USH2A: variants seen among roughly 807,000 people sequenced by gnomAD.
USH2A encodes Usher syndrome 2A (autosomal recessive, mild).
In USH2A, 443 loss-of-function variants were observed where a neutral mutation model predicts 538.9. That is an observed-to-expected ratio of 0.82 (90% CI 0.76 to 0.89). USH2A has a LOEUF of 0.89. USH2A is among the 40% of genes least tolerant of loss of function. The pLI, the probability that USH2A is intolerant of heterozygous loss-of-function variation, is 0.00. For synonymous variants in USH2A, 2,413 were observed against 2,273.5 expected (o/e 1.06, Z -1.75); for missense variants, 6,633 against 6,324.8 (o/e 1.05, Z -1.65).
At chr1:215,703,520 G>T (rs1319769726) in intron 61 of USH2A, among the ~76,000 whole-genome samples, 1 of 152,210 alleles carries the variant, frequency 6.6e-6, no homozygotes, top group Admixed American at 6.5e-5. Flanking sequence ...CTAGAGAGGA[G>T]AAATCTAGAG....
chr1:215,656,538 T>C (rs933108938), intron 64 of USH2A, among the ~76,000 whole-genome samples: 1 of 152,226 alleles, frequency 6.6e-6, no homozygotes, highest in African/African-American at 2.4e-5. Context: ...ATTAATCTTT[T>C]ACAAAAGATC....
chr1:216,051,048 T>A (rs1380184791), intron 30 of USH2A, among the ~76,000 whole-genome samples: 1 of 152,220 alleles, frequency 6.6e-6, no homozygotes, highest in Non-Finnish European at 1.5e-5. Context: ...CGAGAACTCC[T>A]TTGTTTCCTT....
At chr1:216,139,787 T>C (rs1309712144) in intron 21 of USH2A, among the ~76,000 whole-genome samples, 1 of 152,202 alleles carries the variant, frequency 6.6e-6, no homozygotes, top group African/African-American at 2.4e-5. Context: ...TCTGCAGTCA[T>C]TCCCTATCTC....
chr1:215,900,492 A>G (rs1665464845), intron 39 of USH2A, among the ~76,000 whole-genome samples: 1 of 152,234 alleles, frequency 6.6e-6, no homozygotes. Flanking sequence ...CAGTTCAGAC[A>G]TCATTTTGTT....
intron 37 of USH2A, among the ~76,000 whole-genome samples, chr1:215,959,211 CATAAT>C (rs1311293242): frequency 1.3e-5 from 2 of 151,894 alleles, no homozygotes; most frequent in Non-Finnish European, 2.9e-5. Flanking sequence ...ACAAACCATT[CATAAT>C]ATAACCACCT....
Position 216,394,720 on chromosome 1 carries a change from C to CTTTTTTTTTTTTTTTTT in USH2A, c.651+23793_651+23794insAAAAAAAAAAAAAAAAA, listed in dbSNP as rs780581599. 4.1e-4 allele frequency among the ~76,000 whole-genome samples: 49 copies of CTTTTTTTTTTTTTTTTT among 120,328 alleles called. 12 individuals are homozygous for CTTTTTTTTTTTTTTTTT. In the South Asian group the frequency reaches 6.1e-3, roughly 15 times the overall value. 78.9% of individuals were successfully genotyped at this position (120,328 alleles called of 152,430 possible). On this transcript the variant is annotated intron_variant, in intron 3 of 71. Transcript: ENST00000307340. ...CTTAAGGCCTAATAACTGGTCCAGT[C>CTTTTTTTTTTTTTTTTT]TTTTTTTTTTTTTTTTGAGACAGAG...
intron 55 of USH2A, among the ~76,000 whole-genome samples, chr1:215,775,000 C>G (rs925845209): frequency 2.0e-5 from 3 of 151,098 alleles, no homozygotes; most frequent in African/African-American, 7.3e-5. Context: ...TCTATTTTCA[C>G]AGGTCCCCAG....
rs1174783120 is a variant in USH2A, at chr1:215,846,021, A to G, written c.8858T>C (p.Leu2953Pro). 6 of 1,612,214 alleles carry G rather than the reference A, an allele frequency of 3.7e-6. No individual in the cohort carries two copies. The South Asian group carries it at 5.5e-5, about 15-fold the overall frequency. ...TGTGTAATATTCAACTTCACCTTGT[A>G]GGTCTTGAACAGCTGTCAACAATAA... ...VRWAKPTVQDLQGEVEYYTLF... is the reference protein window; with the variant it reads ...VRWAKPTVQDPQGEVEYYTLF... The change falls in exon 45 of 72, where the codon CTA becomes CCA. Residue 2953 changes from leucine (L) to proline (P), a missense_variant. By Grantham distance (98) the Leu-to-Pro change is moderately conservative (BLOSUM62 -3). Coordinates refer to ENST00000307340, the MANE Select transcript of USH2A (RefSeq NM_206933.4).
At chr1:215,778,304 G>A (rs898819153) in intron 55 of USH2A, among the ~76,000 whole-genome samples, 2 of 152,076 alleles carry the variant, frequency 1.3e-5, no homozygotes, top group African/African-American at 2.4e-5. Context: ...CGGCTGCCTC[G>A]GCGTCCCAAA....
At chr1:215,838,208 T>C (rs1663584308) in intron 46 of USH2A, 105 bp from the exon 47 acceptor site, 15 of 907,002 alleles carry the variant, frequency 1.7e-5, no homozygotes, top group Non-Finnish European at 2.2e-5. Context: ...CTCTTGTATT[T>C]CTCTATAGCC....
At position 216,199,992 on chromosome 1, in the gene USH2A, T is replaced by A. The variant is rs1318186049; in HGVS notation, c.3446A>T (p.Glu1149Val). The change falls in exon 17 of 72, where the codon GAG becomes GTG. Residue 1149 changes from glutamate to valine, a missense_variant. By Grantham distance (121) the Glu-to-Val change is moderately radical. Transcript: ENST00000307340. Reference protein sequence around the residue: ...VTYKTKPGVPEGNLTLSYIIP... With the variant: ...VTYKTKPGVPVGNLTLSYIIP... ...GATATAACTTAAAGTCAAGTTTCCCTCTGGGACCCCTGGTTTTGTCTTGTA... is the reference window on the plus strand; with the variant it reads ...GATATAACTTAAAGTCAAGTTTCCCACTGGGACCCCTGGTTTTGTCTTGTA... 11 of 1,614,020 alleles carry A rather than the reference T, an allele frequency of 6.8e-6. No individual in the cohort carries two copies. Among genetic ancestry groups the A allele is most frequent in the African/African-American group, 1.3e-5 (1 of 74,918 alleles).
At chr1:216,040,969 G>T (rs2030249758) in intron 32 of USH2A, among the ~76,000 whole-genome samples, 2 of 151,776 alleles carry the variant, frequency 1.3e-5, no homozygotes, top group East Asian at 3.9e-4. Context: ...TTTTGCAGAA[G>T]GAAAATGCAT....
intron 3 of USH2A, among the ~76,000 whole-genome samples, chr1:216,380,596 C>T (rs2038908008): frequency 6.6e-6 from 1 of 152,130 alleles, no homozygotes; most frequent in Admixed American, 6.6e-5. Flanking sequence ...AAAAATATCA[C>T]TGACTTCAGT....
intron 58 of USH2A, among the ~76,000 whole-genome samples, chr1:215,744,681 G>T (rs1008919795): frequency 6.6e-6 from 1 of 152,196 alleles, no homozygotes; most frequent in African/African-American, 2.4e-5. Context: ...TATTTACAGA[G>T]TGGAAGAGCT....
At chr1:215,627,939 T>C (rs1294457965) in intron 71 of USH2A, among the ~76,000 whole-genome samples, 3 of 152,190 alleles carry the variant, frequency 2.0e-5, no homozygotes, top group Non-Finnish European at 2.9e-5. Flanking sequence ...ATTTTTGTTA[T>C]TGTAGCCGCT....
intron 37 of USH2A, among the ~76,000 whole-genome samples, chr1:215,964,020 G>A (rs1258396203): frequency 6.6e-6 from 1 of 152,096 alleles, no homozygotes; most frequent in Non-Finnish European, 1.5e-5. Flanking sequence ...CTCTTGCCGC[G>A]CAGCTTTGCA....
chr1:215,681,332 AACACACACAC>A (rs10625816), intron 61 of USH2A, among the ~76,000 whole-genome samples: 2 of 148,106 alleles, frequency 1.4e-5, no homozygotes, highest in Non-Finnish European at 3.0e-5. Context: ...CACACACACG[AACACACACAC>A]ACACACACAC....
chr1:216,237,494 T>TAAAAAAAAAAAA (rs59074625), intron 13 of USH2A, among the ~76,000 whole-genome samples: 6 of 114,300 alleles, frequency 5.2e-5, no homozygotes, highest in South Asian at 2.7e-4. Context: ...GACTCCGTCT[T>TAAAAAAAAAAAA]AAAAAAAAAA....
At chr1:215,660,347 A>T (rs1234074606) in intron 64 of USH2A, among the ~76,000 whole-genome samples, 1 of 152,218 alleles carries the variant, frequency 6.6e-6, no homozygotes, top group Non-Finnish European at 1.5e-5. Context: ...AATAATAGTG[A>T]TTACTATCAC....
Sources: allele counts gnomAD v4.1 joint callset (sites outside exome capture counted in the v4.1 genomes callset), GRCh38; gene constraint gnomAD v4.1.1; transcripts MANE v1.5; gene names NCBI Gene and HGNC (gene_info 2026-07-23, HGNC 2026-07-21).